The following DYRK2 variants were observed in gnomAD, a reference collection of about 807,000 sequenced individuals.
DYRK2 encodes the protein dual specificity tyrosine phosphorylation regulated kinase 2.
DYRK2 carries 12 observed loss-of-function variants against 41.6 expected under a neutral mutation model. The observed-to-expected ratio is 0.29, with a 90% CI of 0.18 to 0.47. The LOEUF is 0.47. DYRK2 is among the 20% of genes least tolerant of loss of function. The pLI, the probability that DYRK2 is intolerant of heterozygous loss-of-function variation, is 1.00. For missense variants in DYRK2, 678 were observed against 798.4 expected, an observed-to-expected ratio of 0.85 and a Z score of 1.82; for synonymous variants, 322 against 315.7, an observed-to-expected ratio of 1.02 and a Z score of -0.21.
Position 67,648,816 on chromosome 12 carries a change from C to G in DYRK2, c.-318C>G, listed in dbSNP as rs1190866620. On this transcript the variant is annotated 5_prime_UTR_variant, in exon 1 of 3. Transcript: ENST00000344096. ...TCGCAGCGCTTCCAGCTCCCCGCGC[C>G]CCTATGTGAGGGAGACGGGGAGGCC... 5.3e-6 allele frequency: 1 copy of G among 189,812 alleles called. No homozygotes were observed. Among genetic ancestry groups the G allele is most frequent in the Non-Finnish European group, 1.1e-5 (1 of 94,028 alleles). 11.8% of individuals were successfully genotyped at this position (189,812 alleles called of 1,614,324 possible). A position where few individuals can be genotyped will look rare whatever the true frequency, so the allele number is the denominator to read the frequency against.
In DYRK2 at chr12:67,648,997, C is replaced by G. The variant is rs1233261500; in HGVS notation, c.-137C>G. The G allele has an allele frequency of 3.2e-6, 2 of 631,086 alleles. No homozygotes were observed. Among genetic ancestry groups the G allele is most frequent in the Admixed American group, 4.7e-5 (1 of 21,272 alleles). The allele number at this position is 631,086 out of a possible 1,614,324, so 39.1% of individuals were successfully genotyped here. On this transcript the variant is annotated 5_prime_UTR_variant, in exon 1 of 3. Transcript: ENST00000344096. ...GTGGACTGTGTGTGTCTGGCTGTAG[C>G]AGACGCGAGGCGGCGACGAGGCGCC...
At position 67,664,177 on chromosome 12, in the gene DYRK2, G is replaced by T. The variant is rs933000102; in HGVS notation, c.*5464G>T. The T allele has an allele frequency of 6.6e-6, 1 of 152,058 alleles. No individual in the cohort carries two copies. Among genetic ancestry groups the T allele is most frequent in the Non-Finnish European group, 1.5e-5 (1 of 68,000 alleles). The allele number at this position is 152,058 out of a possible 1,614,324, so 9.4% of individuals were successfully genotyped here. A position where few individuals can be genotyped will look rare whatever the true frequency, so the allele number is the denominator to read the frequency against. ...ATTACATCTTACTGCGAAGTCTTTG[G>T]TTTGTTTCCTTATTTGGTTTGACTT... On this transcript the variant is annotated 3_prime_UTR_variant, in exon 3 of 3. Transcript: ENST00000344096.
chr12:67,664,093 A>G lies in DYRK2; in HGVS notation c.*5380A>G, dbSNP rs1872690490. 1 of 152,152 alleles carries G rather than the reference A, an allele frequency of 6.6e-6. No homozygotes were observed. 9.4% of individuals were successfully genotyped at this position (152,152 alleles called of 1,614,324 possible). ...GGCAGATAAACCCTTGTCATTAGTA[A>G]TACTTAGCACTGTCCAAAATGAAAA... On this transcript the variant is annotated 3_prime_UTR_variant, in exon 3 of 3. Transcript: ENST00000344096.
At chr12:67,653,565 C>T (rs1250210272) in intron 2 of DYRK2, among the ~76,000 whole-genome samples, 5 of 152,126 alleles carry the variant, frequency 3.3e-5, no homozygotes, top group Admixed American at 1.3e-4. Context: ...GCTTGGAGGT[C>T]CTTGGCCTCC....
chr12:67,649,896 T>C lies in DYRK2; in HGVS notation c.149T>C (p.Ile50Thr), dbSNP rs1327180470. 1.4e-6 allele frequency: 2 copies of C among 1,379,568 alleles called. No homozygotes were observed. Among genetic ancestry groups the C allele is most frequent in the South Asian group, 2.0e-5 (1 of 50,966 alleles). 85.5% of individuals were successfully genotyped at this position (1,379,568 alleles called of 1,614,324 possible). ...GTGGGGACTGGCCCGCCCTCCCCCA[T>C]CGCCCTGCCGCCTCTCCGGGCCAGC... is the stretch of plus-strand genomic sequence containing the variant. ...SGVGTGPPSP[I>T]ALPPLRASNA... The change falls in exon 2 of 3, where the codon ATC (isoleucine) becomes ACC (threonine). Residue 50 changes from isoleucine to threonine, a missense_variant. Physicochemically the swap from Ile to Thr is moderately conservative, Grantham distance 89 (BLOSUM62 -1). Coordinates refer to ENST00000344096, the MANE Select transcript of DYRK2 (RefSeq NM_006482.3).
Position 67,658,029 on chromosome 12 carries a change from C to G in DYRK2, c.1122C>G (p.Tyr374Ter). 2 of 1,614,214 alleles carry G rather than the reference C, an allele frequency of 1.2e-6. No individual in the cohort carries two copies. Among genetic ancestry groups the G allele is most frequent in the Non-Finnish European group, 1.7e-6 (2 of 1,180,044 alleles). ...IKVIDFGSSC[Y>*]EHQRVYTYIQ... ...TAATTGATTTTGGCTCCAGTTGTTA[C>G]GAGCATCAGCGTGTCTACACGTACA... The change falls in exon 3 of 3, where the codon TAC (tyrosine) becomes TAG (stop). Residue 374 changes from tyrosine to a stop codon, truncating the protein, a stop_gained. Transcript: ENST00000344096. LOFTEE classifies it high-confidence loss of function. The surrounding 1 kb of genome is among the most constrained non-coding windows in gnomAD (Gnocchi z 4.3).
At position 67,649,124 on chromosome 12, in the gene DYRK2, T is replaced by C. The variant is rs1411271920; in HGVS notation, c.-10T>C. ...GGCAGCCCTGAAATGCATTTTCCTC[T>C]CCAGCGGCCATGTTAACCAGGAAAC... is the stretch of plus-strand genomic sequence containing the variant. On this transcript the variant is annotated 5_prime_UTR_variant, in exon 1 of 3. Coordinates refer to ENST00000344096, the MANE Select transcript of DYRK2 (RefSeq NM_006482.3). The C allele has an allele frequency of 6.6e-7, 1 of 1,510,108 alleles. No individual in the cohort carries two copies. 93.5% of individuals were successfully genotyped at this position (1,510,108 alleles called of 1,614,324 possible).
chr12:67,651,327 T>G, intron 2 of DYRK2: 1 of 256,184 alleles, frequency 3.9e-6, no homozygotes, highest in Non-Finnish European at 7.7e-6. Flanking sequence ...ATACCCAGTT[T>G]TTTGCTATGT....
chr12:67,651,314 A>G (rs750701174), intron 2 of DYRK2, among the ~76,000 whole-genome samples: 3 of 152,240 alleles, frequency 2.0e-5, no homozygotes, highest in Non-Finnish European at 2.9e-5. Context: ...TTTGGAAAAT[A>G]TAATACCCAG....
Position 67,649,153 on chromosome 12 carries a change from C to T in DYRK2, c.20C>T (p.Ser7Leu). 1.3e-6 allele frequency: 2 copies of T among 1,510,944 alleles called. No homozygotes were observed. The highest frequency in any genetic ancestry group is 1.8e-6 in the Non-Finnish European group (2 of 1,126,078). The allele number at this position is 1,510,944 out of a possible 1,614,324, so 93.6% of individuals were successfully genotyped here. Residue 7 changes from serine to leucine, a missense_variant, in exon 1 of 3, where the codon TCG (serine) becomes TTG (leucine). Transcript: ENST00000344096. ...GCGGCCATGTTAACCAGGAAACCTT[C>T]GGCCGCCGCTCCCGCCGCCTACCCG... The part of the protein sequence containing the change: MLTRKP[S>L]AAAPAAYPTG...
At chr12:67,654,648 G>A (rs1260656735) in intron 2 of DYRK2, among the ~76,000 whole-genome samples, 1 of 152,192 alleles carries the variant, frequency 6.6e-6, no homozygotes, top group Non-Finnish European at 1.5e-5. Context: ...ACAGTGCTGA[G>A]GATTCATTCG....
chr12:67,649,973 G>T lies in DYRK2; in HGVS notation c.198+28G>T, dbSNP rs758629541. The T allele has an allele frequency of 1.4e-5, 18 of 1,319,792 alleles. No individual in the cohort carries two copies. The South Asian group carries it at 3.7e-4, about 27-fold the overall frequency. The allele number at this position is 1,319,792 out of a possible 1,614,324, so 81.8% of individuals were successfully genotyped here. A position where few individuals can be genotyped will look rare whatever the true frequency, so the allele number is the denominator to read the frequency against. ...GAGACCCAGCCCGCGGGCGGCCCGG[G>T]CGGTGGGGGCGGGAGGGGCCCCAGG... On this transcript the variant is annotated intron_variant, in intron 2 of 2. Coordinates refer to ENST00000344096, the MANE Select transcript of DYRK2 (RefSeq NM_006482.3).
In DYRK2 at chr12:67,657,617, T is replaced by C. The variant is rs777603041; in HGVS notation, c.710T>C (p.Val237Ala). The change falls in exon 3 of 3, where the codon GTC becomes GCC. Residue 237 changes from valine to alanine, a missense_variant. By Grantham distance (64) the Val-to-Ala change is moderately conservative. Coordinates refer to ENST00000344096, the MANE Select transcript of DYRK2 (RefSeq NM_006482.3). The surrounding 1 kb of genome is among the most constrained non-coding windows in gnomAD (Gnocchi z 4.8). ...GGGAAGGGGAGCTTTGGGCAGGTGG[T>C]CAAGGCCTACGATCACAAAGTCCAC... ...VIGKGSFGQVVKAYDHKVHQH... is the reference protein window; with the variant it reads ...VIGKGSFGQVAKAYDHKVHQH... 1.9e-6 allele frequency: 3 copies of C among 1,613,694 alleles called. No individual in the cohort carries two copies. Among genetic ancestry groups the C allele is most frequent in the Non-Finnish European group, 1.7e-6 (2 of 1,180,012 alleles).
At chr12:67,656,371 G>A (rs772470895) in intron 2 of DYRK2, among the ~76,000 whole-genome samples, 9 of 152,278 alleles carry the variant, frequency 5.9e-5, no homozygotes, top group South Asian at 2.1e-4. Context: ...TGACCCCTCC[G>A]GAGGAAGGCC....
Position 67,657,402 on chromosome 12 carries a change from A to C in DYRK2, c.495A>C (p.Gln165His). 6.2e-7 allele frequency: 1 copy of C among 1,614,212 alleles called. No individual in the cohort carries two copies. The highest frequency in any genetic ancestry group is 8.5e-7 in the Non-Finnish European group (1 of 1,180,040). The part of the protein sequence containing the change: ...TPEQAMKQYM[Q>H]KLTAFEHHEI... ...AACAAGCAATGAAGCAATACATGCA[A>C]AAACTCACAGCCTTCGAACACCATG... is the stretch of plus-strand genomic sequence containing the variant. The change falls in exon 3 of 3, where the codon CAA becomes CAC. Residue 165 changes from glutamine (Q) to histidine (H), a missense_variant. Gln to His is a conservative substitution (Grantham distance 24, BLOSUM62 0). This residue lies in a region of DYRK2 where 285 missense variants were observed against 279.2 expected (regional missense o/e 1.02). Transcript: ENST00000344096. This position sits in a 1 kb window ranked among gnomAD's most constrained non-coding sequence, Gnocchi z 4.8.
Position 67,657,711 on chromosome 12 carries a change from A to C in DYRK2, c.804A>C (p.Arg268=). Residue 268 remains arginine (R), a synonymous_variant, in exon 3 of 3, where the codon CGA becomes CGC. Coordinates refer to ENST00000344096, the MANE Select transcript of DYRK2 (RefSeq NM_006482.3). The surrounding 1 kb of genome is among the most constrained non-coding windows in gnomAD (Gnocchi z 4.8). ...ACCGGCAAGCAGCGGAGGAGATCCG[A>C]ATCCTGGAACACCTGCGGAAGCAGG... ...RFHRQAAEEI[R]ILEHLRKQDK... is the part of the protein sequence containing the mutation. The C allele has an allele frequency of 6.2e-7, 1 of 1,614,192 alleles. No individual in the cohort carries two copies. The highest frequency in any genetic ancestry group is 8.5e-7 in the Non-Finnish European group (1 of 1,180,038).
rs1872718320 is a variant in DYRK2 at position 67,665,396 on chromosome 12, GTA to G, written c.*6685_*6686del. ...TTATGTGGACCAGCAGCAAATAAATGTATGAGTACATTTGGGCGAATTTGTCA... is the reference window on the plus strand; with the variant it reads ...TTATGTGGACCAGCAGCAAATAAATGTGAGTACATTTGGGCGAATTTGTCA... On this transcript the variant is annotated 3_prime_UTR_variant, in exon 3 of 3. Coordinates refer to ENST00000344096, the MANE Select transcript of DYRK2 (RefSeq NM_006482.3). 1 of 152,182 alleles carries G rather than the reference GTA, an allele frequency of 6.6e-6. No homozygotes were observed. The allele number at this position is 152,182 out of a possible 1,614,324, so 9.4% of individuals were successfully genotyped here.
intron 2 of DYRK2, chr12:67,652,644 A>G (rs962455934): frequency 1.8e-4 from 27 of 152,202 alleles, no homozygotes; most frequent in African/African-American, 6.3e-4. Context: ...TCACAGTGGA[A>G]TATCTGCTGT....
intron 2 of DYRK2, among the ~76,000 whole-genome samples, chr12:67,654,080 G>A (rs886736258): frequency 2.0e-5 from 3 of 152,172 alleles, no homozygotes; most frequent in Non-Finnish European, 4.4e-5. Context: ...AGGGCACTGA[G>A]GTTAACAGAG....
Sources: allele counts gnomAD v4.1 joint callset (sites outside exome capture counted in the v4.1 genomes callset), GRCh38; gene constraint gnomAD v4.1.1; regional missense constraint gnomAD v4.1.1; non-coding constraint Gnocchi (gnomAD v3.1); transcripts MANE v1.5; gene names NCBI Gene and HGNC (gene_info 2026-07-23, HGNC 2026-07-21).